The following VAV2 variants were observed in gnomAD, a reference collection of about 807,000 sequenced individuals.
The protein encoded by VAV2 is vav guanine nucleotide exchange factor 2, also known as guanine nucleotide exchange factor VAV2.
In VAV2, 67 loss-of-function variants were observed where a neutral mutation model predicts 132.5. The ratio of observed to expected loss-of-function variants is 0.51; its 90% confidence interval spans 0.42 to 0.62. The LOEUF (loss-of-function observed/expected upper bound fraction) is 0.62, where lower values mean the gene tolerates loss of function less well. Ranked by LOEUF, VAV2 falls within the 20% of genes least tolerant of loss-of-function variation. VAV2 has a pLI of 0.00. For missense variants in VAV2, 938 were observed against 1,153.6 expected (o/e 0.81, Z 2.71); for synonymous variants, 492 against 443.5 (o/e 1.11, Z -1.37).
chr9:133,833,622 C>T lies in VAV2; in HGVS notation c.449+650G>A, dbSNP rs753356604. On this transcript the variant is annotated intron_variant, in intron 4 of 29. Transcript: ENST00000371850. This position sits in a 1 kb window ranked among gnomAD's most constrained non-coding sequence, Gnocchi z 5.6. ...GAGGCCCCTTCCTCCTACCCTCCTACCTCCCTCCTCCTGGAGCGGGCCACG... is the reference window on the plus strand; with the variant it reads ...GAGGCCCCTTCCTCCTACCCTCCTATCTCCCTCCTCCTGGAGCGGGCCACG... Among the ~76,000 whole-genome samples the T allele has an allele frequency of 4.6e-5, 7 of 152,152 alleles. No individual in the cohort carries two copies. The highest frequency in any genetic ancestry group is 1.0e-4 in the Non-Finnish European group (7 of 68,016).
chr9:133,964,495 A>G (rs1294922132), intron 1 of VAV2, among the ~76,000 whole-genome samples: 1 of 152,208 alleles, frequency 6.6e-6, no homozygotes, highest in Non-Finnish European at 1.5e-5. Context: ...TCATATATGT[A>G]TAATGAAAAA....
intron 1 of VAV2, among the ~76,000 whole-genome samples, chr9:133,980,299 G>C (rs185797199): frequency 6.6e-6 from 1 of 152,312 alleles, no homozygotes; most frequent in African/African-American, 2.4e-5. Flanking sequence ...CATGACCTCA[G>C]ACTGGCCCGT....
At chr9:133,959,710 C>CTTGAGG (rs1200539465) in intron 1 of VAV2, among the ~76,000 whole-genome samples, 2 of 152,316 alleles carry the variant, frequency 1.3e-5, no homozygotes, top group East Asian at 3.9e-4. Flanking sequence ...AAGAGGCCAT[C>CTTGAGG]CCAGGTTAGG....
chr9:133,971,371 C>T (rs1036159354), intron 1 of VAV2, among the ~76,000 whole-genome samples: 25 of 152,150 alleles, frequency 1.6e-4, no homozygotes, highest in African/African-American at 5.3e-4. Flanking sequence ...CTCCACTGTG[C>T]CCCAGGAACC....
chr9:133,958,375 G>A lies in VAV2; in HGVS notation c.205-19156C>T, dbSNP rs895254838. On this transcript the variant is annotated intron_variant, in intron 1 of 29. Transcript: ENST00000371850. ...CCTTAGGGCTGGAGGTGGGACCTGC[G>A]GGCAGCAATACTGCTTTGTAAAGCA... Among the ~76,000 whole-genome samples, 7 of 149,392 alleles carry A rather than the reference G, an allele frequency of 4.7e-5. No individual in the cohort carries two copies. The East Asian group carries it at 5.9e-4, about 13-fold the overall frequency.
chr9:133,952,343 T>C (rs117859011), intron 1 of VAV2, among the ~76,000 whole-genome samples: 4,083 of 152,002 alleles, frequency 0.027, 83 homozygotes, highest in Middle Eastern at 0.082. Context: ...GTGGCTCACG[T>C]CTATAGTCCC....
rs370930872 is a variant in VAV2 at position 133,909,565 on chromosome 9, G to T, written c.321+29538C>A. 1.4e-3 allele frequency among the ~76,000 whole-genome samples: 219 copies of T among 152,296 alleles called. 1 individual carries two copies. Among genetic ancestry groups the T allele is most frequent in the African/African-American group, 4.4e-3 (182 of 41,574 alleles). ...TCTGTGCCCACTGCAGGTTCGCGAGGATGGAAGGCTGTGCCATCCACAAGA... is the reference window on the plus strand; with the variant it reads ...TCTGTGCCCACTGCAGGTTCGCGAGTATGGAAGGCTGTGCCATCCACAAGA... On this transcript the variant is annotated intron_variant, in intron 2 of 29. Transcript: ENST00000371850.
chr9:133,988,543 G>A (rs1362398982), intron 1 of VAV2, among the ~76,000 whole-genome samples: 1 of 152,176 alleles, frequency 6.6e-6, no homozygotes. Flanking sequence ...AGCAGGGCAG[G>A]TAAGAAAGGG....
chr9:133,928,652 G>A lies in VAV2; in HGVS notation c.321+10451C>T, dbSNP rs564241003. 4.6e-5 allele frequency among the ~76,000 whole-genome samples: 7 copies of A among 152,276 alleles called. No homozygotes were observed. The East Asian group carries it at 7.7e-4, about 17-fold the overall frequency. ...GAAATGAACAAACACATGCAGCCTC[G>A]GGGCCTGGGTGTGGAGATAAGGGGT... On this transcript the variant is annotated intron_variant, in intron 2 of 29. Coordinates refer to ENST00000371850, the MANE Select transcript of VAV2 (RefSeq NM_001134398.2). The surrounding 1 kb of genome is among the most constrained non-coding windows in gnomAD (Gnocchi z 5.4).
intron 2 of VAV2, among the ~76,000 whole-genome samples, chr9:133,932,038 C>T (rs111665659): frequency 2.0e-5 from 3 of 152,198 alleles, no homozygotes; most frequent in Non-Finnish European, 4.4e-5. Flanking sequence ...TCCCTACGGT[C>T]GGAACTATCA....
At position 133,974,950 on chromosome 9, in the gene VAV2, C is replaced by T. The variant is rs187777904; in HGVS notation, c.204+17125G>A. Among the ~76,000 whole-genome samples the T allele has an allele frequency of 5.9e-3, 904 of 152,352 alleles. 8 individuals are homozygous for T. The highest frequency in any genetic ancestry group is 0.021 in the African/African-American group (867 of 41,580). On this transcript the variant is annotated intron_variant, in intron 1 of 29. Coordinates refer to ENST00000371850, the MANE Select transcript of VAV2 (RefSeq NM_001134398.2). ...TTGTGGTACCGTGGGGAGCGGGCCT[C>T]ACCCACCCTCCTGCAGGGCCTTCCA...
chr9:133,796,575 C>T (rs562800980), intron 10 of VAV2, 51 bp from the exon 11 acceptor site: 324 of 1,544,256 alleles, frequency 2.1e-4, no homozygotes, highest in Non-Finnish European at 2.7e-4. Flanking sequence ...AAAGCCTGAA[C>T]CCACCCACCT....
In VAV2 at chr9:133,833,257, A is replaced by T. The variant is rs1836332127; in HGVS notation, c.449+1015T>A. Among the ~76,000 whole-genome samples the T allele has an allele frequency of 6.6e-6, 1 of 152,156 alleles. No homozygotes were observed. The highest frequency in any genetic ancestry group is 2.4e-5 in the African/African-American group (1 of 41,434). ...TATTTTCCTGGGCCCTGCAAGCTAA[A>T]GGCAGCCCTGGATGTGGGCTGAGCA... On this transcript the variant is annotated intron_variant, in intron 4 of 29. Transcript: ENST00000371850. This position sits in a 1 kb window ranked among gnomAD's most constrained non-coding sequence, Gnocchi z 5.6.
intron 1 of VAV2, among the ~76,000 whole-genome samples, chr9:133,941,941 T>A (rs919392431): frequency 2.6e-5 from 4 of 151,998 alleles, no homozygotes; most frequent in Admixed American, 6.6e-5. Flanking sequence ...AGTCGTCAGA[T>A]CCACAGAGAG....
intron 1 of VAV2, among the ~76,000 whole-genome samples, chr9:133,950,805 C>T (rs1841533509): frequency 6.6e-6 from 1 of 152,120 alleles, no homozygotes; most frequent in Non-Finnish European, 1.5e-5. Flanking sequence ...CTTGTCTCTG[C>T]CACCTCATTT....
chr9:133,921,972 G>C (rs148168329), intron 2 of VAV2, among the ~76,000 whole-genome samples: 2 of 152,250 alleles, frequency 1.3e-5, no homozygotes, highest in Admixed American at 6.5e-5. Context: ...TCCCGGCACC[G>C]GCAGGGCGAG....
intron 1 of VAV2, among the ~76,000 whole-genome samples, chr9:133,959,523 C>G (rs910103863): frequency 6.6e-6 from 1 of 152,138 alleles, no homozygotes; most frequent in Non-Finnish European, 1.5e-5. Flanking sequence ...TACCAGGGAG[C>G]CCAGGGCACA....
chr9:133,939,078 G>A (rs748907289), intron 2 of VAV2, 25 bp downstream of exon 2: 22 of 1,608,034 alleles, frequency 1.4e-5, no homozygotes, highest in South Asian at 2.2e-5. Context: ...CTGAGCGACC[G>A]AGGCTGGAGA....
At chr9:133,839,020 G>C (rs1171192610) in intron 3 of VAV2, among the ~76,000 whole-genome samples, 1 of 150,308 alleles carries the variant, frequency 6.7e-6, no homozygotes, top group Non-Finnish European at 1.5e-5. Context: ...GGATGGGTGG[G>C]TAGGTGGGTG....
Sources: allele counts gnomAD v4.1 joint callset (sites outside exome capture counted in the v4.1 genomes callset), GRCh38; gene constraint gnomAD v4.1.1; non-coding constraint Gnocchi (gnomAD v3.1); transcripts MANE v1.5; gene names NCBI Gene and HGNC (gene_info 2026-07-23, HGNC 2026-07-21).